The following TNFRSF10D variants were observed in gnomAD, a reference collection of about 807,000 sequenced individuals.
The protein encoded by TNFRSF10D is tumor necrosis factor receptor superfamily member 10D.
A neutral mutation model predicts 42.1 loss-of-function variants in TNFRSF10D; 28 were observed. The observed-to-expected ratio is 0.66, with a 90% CI of 0.49 to 0.91. The LOEUF (loss-of-function observed/expected upper bound fraction) is 0.91. Ranked by LOEUF, TNFRSF10D falls within the 40% of genes least tolerant of loss-of-function variation. The pLI is 0.00. For synonymous variants in TNFRSF10D, 186 were observed against 189.4 expected (o/e 0.98, Z 0.15); for missense variants, 503 against 486.1 (o/e 1.03, Z -0.33).
In TNFRSF10D at chr8:23,163,776, G is replaced by A; in HGVS notation, c.150+10C>T. The stretch of plus-strand genomic sequence containing the variant: ...CTCTTCCCCAGCCAGGGACCGCGGC[G>A]GAGACTCACCGGCAGCAGAACCGCG... On this transcript the variant is annotated intron_variant, in intron 1 of 8. Coordinates refer to ENST00000312584, the MANE Select transcript of TNFRSF10D (RefSeq NM_003840.5). The A allele has an allele frequency of 2.5e-6, 4 of 1,605,810 alleles. No individual in the cohort carries two copies. Among genetic ancestry groups the A allele is most frequent in the East Asian group, 2.3e-5 (1 of 44,186 alleles).
At position 23,146,960 on chromosome 8, in the gene TNFRSF10D, C is replaced by T; in HGVS notation, c.482+1G>A. ...TTGGGAGCCCCTGGCTGCTGTCTTA[C>T]CCTGTTCTACACGTCCGGCACATCT... On this transcript the variant is annotated splice_donor_variant, in intron 4 of 8. Coordinates refer to ENST00000312584, the MANE Select transcript of TNFRSF10D (RefSeq NM_003840.5). LOFTEE classifies it high-confidence loss of function. The T allele has an allele frequency of 1.2e-6, 2 of 1,613,772 alleles. No individual in the cohort carries two copies. The highest frequency in any genetic ancestry group is 1.7e-5 in the Admixed American group (1 of 60,032).
At position 23,154,093 on chromosome 8, in the gene TNFRSF10D, C is replaced by T. The variant is rs138876656; in HGVS notation, c.256+781G>A. Among the ~76,000 whole-genome samples, 1,286 of 152,220 alleles carry T rather than the reference C, an allele frequency of 8.4e-3. 3 individuals carry two copies. The highest frequency in any genetic ancestry group is 0.027 in the African/African-American group (1,128 of 41,476). ...ACAGCATGGATGAACCTGGAGATAT[C>T]ATGCTAAGTGAAATAAGCCAGGCAC... On this transcript the variant is annotated intron_variant, in intron 2 of 8. Coordinates refer to ENST00000312584, the MANE Select transcript of TNFRSF10D (RefSeq NM_003840.5).
chr8:23,162,931 G>C (rs1478269697), intron 1 of TNFRSF10D, among the ~76,000 whole-genome samples: 3 of 151,726 alleles, frequency 2.0e-5, no homozygotes, highest in African/African-American at 7.3e-5. Context: ...TTGTTTGTCT[G>C]TTTTTGTTAA....
At chr8:23,141,085 G>T (rs895981076) in intron 7 of TNFRSF10D, among the ~76,000 whole-genome samples, 1 of 152,064 alleles carries the variant, frequency 6.6e-6, no homozygotes, top group Non-Finnish European at 1.5e-5. Context: ...AGAAAACCTA[G>T]AAAACACCCC....
At chr8:23,155,976 T>C (rs1800274429) in intron 1 of TNFRSF10D, among the ~76,000 whole-genome samples, 1 of 152,140 alleles carries the variant, frequency 6.6e-6, no homozygotes, top group Non-Finnish European at 1.5e-5. Context: ...CTGTTCCCAC[T>C]AAATATCAAA....
intron 2 of TNFRSF10D, among the ~76,000 whole-genome samples, chr8:23,151,428 G>A (rs79118257): frequency 0.02 from 3,100 of 151,776 alleles, 122 homozygotes; most frequent in African/African-American, 0.072. Flanking sequence ...CAATCTGAAA[G>A]AACAGAACAC....
At chr8:23,153,678 T>A (rs1247224303) in intron 2 of TNFRSF10D, among the ~76,000 whole-genome samples, 845 of 152,010 alleles carry the variant, frequency 5.6e-3, no homozygotes, top group African/African-American at 0.017. Context: ...AAATACCACT[T>A]CACACCTGTA....
At position 23,163,365 on chromosome 8, in the gene TNFRSF10D, C is replaced by T. The variant is rs1163298839; in HGVS notation, c.150+421G>A. Among the ~76,000 whole-genome samples, 4 of 152,084 alleles carry T rather than the reference C, an allele frequency of 2.6e-5. No homozygotes were observed. In the South Asian group the frequency reaches 8.3e-4, roughly 32 times the overall value. On this transcript the variant is annotated intron_variant, in intron 1 of 8. Coordinates refer to ENST00000312584, the MANE Select transcript of TNFRSF10D (RefSeq NM_003840.5). Reference sequence around the variant, plus strand: ...TGATCCGCCCGCCTCGGCCTCCCAACGTGCTGGGATTACAGGCGTGAGCCA... The same window carrying T: ...TGATCCGCCCGCCTCGGCCTCCCAATGTGCTGGGATTACAGGCGTGAGCCA...
chr8:23,140,082 G>A lies in TNFRSF10D; in HGVS notation c.955-1822C>T, dbSNP rs893140592. ...AGGAGGGCGGATCACAAGGTCAGGA[G>A]ATCGAGACCATCCTGGCTAACACGG... On this transcript the variant is annotated intron_variant, in intron 7 of 8. Transcript: ENST00000312584. Among the ~76,000 whole-genome samples, 4 of 152,188 alleles carry A rather than the reference G, an allele frequency of 2.6e-5. 1 individual carries two copies. The highest frequency in any genetic ancestry group is 5.9e-5 in the Non-Finnish European group (4 of 68,040).
At chr8:23,155,231 A>T (rs1437403327) in intron 1 of TNFRSF10D, among the ~76,000 whole-genome samples, 2 of 150,094 alleles carry the variant, frequency 1.3e-5, no homozygotes, top group African/African-American at 4.9e-5. Flanking sequence ...AGAAAATATG[A>T]GCAGAAGAGT....
chr8:23,162,730 G>C (rs868613865), intron 1 of TNFRSF10D, among the ~76,000 whole-genome samples: 1 of 152,128 alleles, frequency 6.6e-6, no homozygotes, highest in South Asian at 2.1e-4. Flanking sequence ...GGATACAGAG[G>C]GGACACACGG....
Position 23,137,754 on chromosome 8 carries a change from T to C in TNFRSF10D, c.*116A>G. 2 of 1,367,448 alleles carry C rather than the reference T, an allele frequency of 1.5e-6. No individual in the cohort carries two copies. The highest frequency in any genetic ancestry group is 2.0e-6 in the Non-Finnish European group (2 of 1,008,766). The allele number at this position is 1,367,448 out of a possible 1,614,324, so 84.7% of individuals were successfully genotyped here. ...GGACCATTGGTAAGCTGCCCCATAT[T>C]GGATAGTAGAGTTTGTTGGGGCATG... On this transcript the variant is annotated 3_prime_UTR_variant, in exon 9 of 9. Transcript: ENST00000312584.
Position 23,138,192 on chromosome 8 carries a change from A to G in TNFRSF10D, c.1023T>C (p.Ala341=). ...LLVPVNDADS[A]DISTLLDASA... is the part of the protein sequence containing the mutation. ...CTCAAGGCACAAAACACTTACTGTC[A>G]GCGGAGTCAGCGTCATTCACTGGAA... The change falls in exon 8 of 9, where the codon GCT becomes GCC. Residue 341 remains alanine (A), a synonymous_variant. Coordinates refer to ENST00000312584, the MANE Select transcript of TNFRSF10D (RefSeq NM_003840.5). The G allele has an allele frequency of 6.2e-7, 1 of 1,614,224 alleles. No individual in the cohort carries two copies. The highest frequency in any genetic ancestry group is 8.5e-7 in the Non-Finnish European group (1 of 1,180,038).
chr8:23,137,863 G>T lies in TNFRSF10D; in HGVS notation c.*7C>A. 1 of 1,608,056 alleles carries T rather than the reference G, an allele frequency of 6.2e-7. No homozygotes were observed. Among genetic ancestry groups the T allele is most frequent in the Non-Finnish European group, 8.5e-7 (1 of 1,178,158 alleles). ...GAGGGAAGCTCTGGTTTCCTGAAGA[G>T]ATTCTTTCACAGGCAGGACGTAGCA... On this transcript the variant is annotated 3_prime_UTR_variant, in exon 9 of 9. Coordinates refer to ENST00000312584, the MANE Select transcript of TNFRSF10D (RefSeq NM_003840.5).
intron 1 of TNFRSF10D, among the ~76,000 whole-genome samples, chr8:23,155,605 G>C (rs1305791473): frequency 6.6e-6 from 1 of 151,844 alleles, no homozygotes; most frequent in Admixed American, 6.6e-5. Context: ...TGTAACCCCA[G>C]CTACTTGGGA....
At chr8:23,141,513 A>AC (rs1800015916) in intron 7 of TNFRSF10D, among the ~76,000 whole-genome samples, 1 of 151,962 alleles carries the variant, frequency 6.6e-6, no homozygotes, top group Admixed American at 6.6e-5. Flanking sequence ...TCAAAAAAAA[A>AC]AAAAAGTATC....
intron 2 of TNFRSF10D, 51 bp downstream of exon 2, chr8:23,154,823 A>G: frequency 6.5e-7 from 1 of 1,531,478 alleles, no homozygotes; most frequent in South Asian, 1.2e-5. Context: ...AATATATACA[A>G]TGTTTATCTG....
intron 2 of TNFRSF10D, among the ~76,000 whole-genome samples, chr8:23,149,204 AAAAG>A (rs756500093): frequency 0.067 from 9,358 of 139,056 alleles, 365 homozygotes; most frequent in Middle Eastern, 0.11. Context: ...AAAAAAAAAA[AAAAG>A]AAAAGAAAAG....
intron 7 of TNFRSF10D, among the ~76,000 whole-genome samples, chr8:23,142,784 T>A (rs1800048726): frequency 6.6e-6 from 1 of 152,190 alleles, no homozygotes; most frequent in Admixed American, 6.5e-5. Flanking sequence ...GGCAGTGTAT[T>A]ATATGTAAAG....
Sources: allele counts gnomAD v4.1 joint callset (sites outside exome capture counted in the v4.1 genomes callset), GRCh38; gene constraint gnomAD v4.1.1; transcripts MANE v1.5; gene names NCBI Gene and HGNC (gene_info 2026-07-23, HGNC 2026-07-21).